Variants in KHDRBS2 observed in about 807,000 individuals in gnomAD.
KHDRBS2 encodes the protein KH RNA binding domain containing, signal transduction associated 2.
A neutral mutation model predicts 44.3 loss-of-function variants in KHDRBS2; 26 were observed. That is an observed-to-expected ratio of 0.59 (90% CI 0.43 to 0.81). The LOEUF (loss-of-function observed/expected upper bound fraction) is 0.81, where lower values mean the gene tolerates loss of function less well. Ranked by LOEUF, KHDRBS2 falls within the 40% of genes least tolerant of loss-of-function variation. The pLI, the probability that KHDRBS2 is intolerant of heterozygous loss-of-function variation, is 0.00. For missense variants in KHDRBS2, 476 were observed against 433.1 expected (o/e 1.10, Z -0.88); for synonymous variants, 194 against 151.1 (o/e 1.28, Z -2.08).
the KHDRBS2 span, among the ~76,000 whole-genome samples, chr6:61,662,040 C>A: frequency 1.5e-4 from 23 of 151,874 alleles, no homozygotes; most frequent in Admixed American, 1.5e-3. Flanking sequence ...GTACTGGTAC[C>A]AAAACAGAGA....
At chr6:61,718,401 C>T (rs746470974) in intron 7 of KHDRBS2, among the ~76,000 whole-genome samples, 10 of 152,050 alleles carry the variant, frequency 6.6e-5, no homozygotes, top group Non-Finnish European at 1.2e-4. Context: ...TTTATATGTT[C>T]AAGCAACTGG....
At chr6:61,985,676 G>T (rs956665053) in intron 3 of KHDRBS2, among the ~76,000 whole-genome samples, 8 of 152,070 alleles carry the variant, frequency 5.3e-5, no homozygotes, top group Non-Finnish European at 8.8e-5. Context: ...CAGGTGAGAC[G>T]ATAATGTTCT....
rs1487123823 is a variant in KHDRBS2 at position 62,128,213 on chromosome 6, C to T, written c.219+48972G>A. On this transcript the variant is annotated intron_variant, in intron 2 of 8. Transcript: ENST00000281156. ...ACTAGGTTCAGATCTTTACTCTTCC[C>T]TTTACTCCCTATAGAATTATGGGCC... Among the ~76,000 whole-genome samples the T allele has an allele frequency of 2.0e-5, 3 of 152,058 alleles. No homozygotes were observed. The South Asian group carries it at 6.2e-4, about 32-fold the overall frequency.
At chr6:62,122,714 C>CTATGTAACAACGTGCAGTTTTGT (rs749271376) in intron 2 of KHDRBS2, among the ~76,000 whole-genome samples, 27 of 150,290 alleles carry the variant, frequency 1.8e-4, no homozygotes, top group East Asian at 3.9e-4. Flanking sequence ...AAGACACCAC[C>CTATGTAACAACGTGCAGTTTTGT]TGAAAGTGGA....
intron 4 of KHDRBS2, among the ~76,000 whole-genome samples, chr6:61,935,971 G>T (rs1309173184): frequency 6.6e-6 from 1 of 151,890 alleles, no homozygotes; most frequent in East Asian, 1.9e-4. Context: ...TCCTTTTCCA[G>T]ATGTAAATTG....
chr6:61,931,104 C>A (rs963553300), intron 4 of KHDRBS2, among the ~76,000 whole-genome samples: 2 of 151,692 alleles, frequency 1.3e-5, no homozygotes, highest in African/African-American at 4.8e-5. Flanking sequence ...TTATATTCAT[C>A]CTTATAATGA....
chr6:61,586,331 T>C, the KHDRBS2 span, among the ~76,000 whole-genome samples: 13 of 152,176 alleles, frequency 8.5e-5, no homozygotes, highest in African/African-American at 3.1e-4. Flanking sequence ...GTGAGTTCTG[T>C]TTCTTTTCAG....
At chr6:61,546,237 T>G in the KHDRBS2 span, among the ~76,000 whole-genome samples, 1 of 151,838 alleles carries the variant, frequency 6.6e-6, no homozygotes, top group Non-Finnish European at 1.5e-5. Context: ...ATAAGTAGGA[T>G]GTACATATTT....
At chr6:62,183,121 T>C (rs1024405716) in intron 1 of KHDRBS2, among the ~76,000 whole-genome samples, 7 of 151,838 alleles carry the variant, frequency 4.6e-5, no homozygotes, top group African/African-American at 1.7e-4. Flanking sequence ...AAAATTAACA[T>C]ATTAAGATTG....
At chr6:61,568,769 G>C in the KHDRBS2 span, among the ~76,000 whole-genome samples, 1 of 152,198 alleles carries the variant, frequency 6.6e-6, no homozygotes, top group Non-Finnish European at 1.5e-5. Flanking sequence ...CCAGTCTCCA[G>C]CTCAAGCCCA....
intron 2 of KHDRBS2, among the ~76,000 whole-genome samples, chr6:62,070,556 T>G (rs1484899416): frequency 5.3e-5 from 8 of 152,214 alleles, no homozygotes; most frequent in African/African-American, 1.9e-4. Flanking sequence ...GTTCTCATTG[T>G]TCAATTCCCA....
At chr6:61,865,965 C>T (rs1371467728) in intron 6 of KHDRBS2, among the ~76,000 whole-genome samples, 1 of 152,216 alleles carries the variant, frequency 6.6e-6, no homozygotes, top group Admixed American at 6.5e-5. Flanking sequence ...CAAGGTAAAG[C>T]CTTCCTCCCA....
At chr6:61,829,104 A>G (rs1791379621) in intron 6 of KHDRBS2, among the ~76,000 whole-genome samples, 1 of 152,180 alleles carries the variant, frequency 6.6e-6, no homozygotes, top group Non-Finnish European at 1.5e-5. Flanking sequence ...TGTACGTTTT[A>G]GTGTGTATAT....
chr6:62,129,153 T>C (rs1809664240), intron 2 of KHDRBS2, among the ~76,000 whole-genome samples: 1 of 152,146 alleles, frequency 6.6e-6, no homozygotes, highest in Non-Finnish European at 1.5e-5. Context: ...TACTTTTCTA[T>C]ATTTTATGGA....
chr6:62,066,048 G>A (rs185161729), intron 2 of KHDRBS2, among the ~76,000 whole-genome samples: 1 of 151,534 alleles, frequency 6.6e-6, no homozygotes, highest in South Asian at 2.1e-4. Context: ...TGTATTCAAA[G>A]ACACGTCTTT....
chr6:61,706,497 C>A (rs1435817010), intron 7 of KHDRBS2, among the ~76,000 whole-genome samples: 1 of 151,870 alleles, frequency 6.6e-6, no homozygotes, highest in East Asian at 1.9e-4. Flanking sequence ...AGACTGGAAA[C>A]TATGCCAGGT....
chr6:62,023,849 T>C (rs1282069543), intron 3 of KHDRBS2, among the ~76,000 whole-genome samples: 2 of 151,108 alleles, frequency 1.3e-5, no homozygotes, highest in Non-Finnish European at 3.0e-5. Flanking sequence ...TAATTTACTA[T>C]GTAAAGTATA....
At chr6:61,603,223 C>T in the KHDRBS2 span, among the ~76,000 whole-genome samples, 1 of 152,288 alleles carries the variant, frequency 6.6e-6, no homozygotes, top group African/African-American at 2.4e-5. Flanking sequence ...ACAGGCCTTA[C>T]AGGTTAGTTC....
chr6:61,713,989 T>G (rs1770962438), intron 7 of KHDRBS2, among the ~76,000 whole-genome samples: 1 of 151,640 alleles, frequency 6.6e-6, no homozygotes, highest in African/African-American at 2.4e-5. Flanking sequence ...TCTAAGCAAA[T>G]AATTCATGAC....
Sources: gnomAD v4.1 joint callset for allele counts (sites outside exome capture counted in the v4.1 genomes callset) on GRCh38, gnomAD v4.1.1 for gene constraint, MANE v1.5 for transcripts, NCBI Gene and HGNC (gene_info 2026-07-23, HGNC 2026-07-21) for gene names.